Variants in NPAS3 observed in about 807,000 individuals in gnomAD.
The protein encoded by NPAS3 is neuronal PAS domain protein 3, also known as neuronal PAS domain-containing protein 3.
Under a neutral mutation model 73.1 loss-of-function variants are expected in NPAS3, and 14 were observed. The observed-to-expected ratio is 0.19, with a 90% confidence interval of 0.13 to 0.30. NPAS3 has a LOEUF of 0.30. Ranked by LOEUF, NPAS3 falls within the 10% of genes least tolerant of loss-of-function variation. The pLI is 1.00. For synonymous variants in NPAS3, 620 were observed against 541.5 expected (o/e 1.14, Z -2.01); for missense variants, 1,096 against 1,250.0 (o/e 0.88, Z 1.86).
rs59699818 is a variant in NPAS3 at position 33,638,405 on chromosome 14, A to C, written c.559-37806A>C. Among the ~76,000 whole-genome samples the C allele has an allele frequency of 3.2e-3, 480 of 152,354 alleles. 3 individuals are homozygous for C. Among genetic ancestry groups the C allele is most frequent in the African/African-American group, 0.011 (461 of 41,590 alleles). ...GTCAGCAACTAGTGGGTTTGAACCCAGTTCTTCTACTTACTATCTACGTGA... is the reference window on the plus strand; with the variant it reads ...GTCAGCAACTAGTGGGTTTGAACCCCGTTCTTCTACTTACTATCTACGTGA... On this transcript the variant is annotated intron_variant, in intron 5 of 11. Transcript: ENST00000356141.
intron 1 of NPAS3, among the ~76,000 whole-genome samples, chr14:33,007,093 T>C (rs973876008): frequency 4.6e-5 from 7 of 152,230 alleles, no homozygotes; most frequent in African/African-American, 1.4e-4. Flanking sequence ...TATTTGATAA[T>C]AGAGCTTGTC....
At chr14:33,280,416 A>C (rs1345045410) in intron 3 of NPAS3, among the ~76,000 whole-genome samples, 1 of 152,218 alleles carries the variant, frequency 6.6e-6, no homozygotes, top group Non-Finnish European at 1.5e-5. Context: ...CCTAAGATTA[A>C]GAGCCATGCC....
At chr14:33,665,420 T>C (rs1338887999) in intron 5 of NPAS3, among the ~76,000 whole-genome samples, 3 of 152,160 alleles carry the variant, frequency 2.0e-5, no homozygotes, top group Non-Finnish European at 4.4e-5. Context: ...GTTCTGCACA[T>C]GTATCCCAGA....
intron 1 of NPAS3, among the ~76,000 whole-genome samples, chr14:32,959,522 G>T (rs780228267): frequency 6.6e-6 from 1 of 152,122 alleles, no homozygotes; most frequent in Non-Finnish European, 1.5e-5. Context: ...CATATACTTT[G>T]ATTTTATTTT....
intron 2 of NPAS3, among the ~76,000 whole-genome samples, chr14:33,101,991 C>T (rs1014661703): frequency 2.0e-5 from 3 of 152,164 alleles, no homozygotes; most frequent in African/African-American, 7.2e-5. Flanking sequence ...ACTCATGTTG[C>T]ATCAGGCAGT....
chr14:33,309,378 G>A (rs537597158), intron 3 of NPAS3, among the ~76,000 whole-genome samples: 1 of 152,266 alleles, frequency 6.6e-6, no homozygotes, highest in African/African-American at 2.4e-5. Flanking sequence ...TTCAGAGAAA[G>A]TGTACATTTT....
At chr14:33,216,350 T>G (rs2047223452) in intron 3 of NPAS3, among the ~76,000 whole-genome samples, 1 of 152,192 alleles carries the variant, frequency 6.6e-6, no homozygotes, top group Non-Finnish European at 1.5e-5. Context: ...CCTGTACTCT[T>G]GGCTATGATA....
intron 2 of NPAS3, among the ~76,000 whole-genome samples, chr14:33,087,460 G>T (rs1180002512): frequency 6.6e-6 from 1 of 151,814 alleles, no homozygotes; most frequent in East Asian, 1.9e-4. Flanking sequence ...TACCATTAAT[G>T]CTAGAAAGTA....
intron 7 of NPAS3, among the ~76,000 whole-genome samples, chr14:33,767,061 G>A (rs868576693): frequency 1.1e-4 from 16 of 152,304 alleles, no homozygotes; most frequent in African/African-American, 3.1e-4. Flanking sequence ...GTTATGAGCC[G>A]CCTTCTCCAT....
chr14:33,127,642 G>C (rs1191867520), intron 2 of NPAS3, among the ~76,000 whole-genome samples: 1 of 152,104 alleles, frequency 6.6e-6, no homozygotes, highest in Non-Finnish European at 1.5e-5. Flanking sequence ...GTCCTAGAAA[G>C]CTGGCAGGTA....
intron 5 of NPAS3, among the ~76,000 whole-genome samples, chr14:33,632,399 T>C (rs1039687379): frequency 6.6e-6 from 1 of 152,206 alleles, no homozygotes; most frequent in Non-Finnish European, 1.5e-5. Context: ...AAATGTTGAC[T>C]TAAGACATTA....
intron 3 of NPAS3, 32 bp downstream of exon 3, chr14:33,215,458 T>C (rs2047186442): frequency 6.2e-7 from 1 of 1,612,266 alleles, no homozygotes; most frequent in African/African-American, 1.3e-5. Context: ...AGTCTGAATA[T>C]GATGGTCTGT....
chr14:33,557,695 C>CTT (rs2055422727), intron 4 of NPAS3, among the ~76,000 whole-genome samples: 1 of 152,200 alleles, frequency 6.6e-6, no homozygotes, highest in Non-Finnish European at 1.5e-5. Context: ...AACAGCTGGG[C>CTT]GCAGTGGCTC....
intron 4 of NPAS3, among the ~76,000 whole-genome samples, chr14:33,524,167 G>T (rs1408590872): frequency 1.3e-5 from 2 of 152,142 alleles, no homozygotes; most frequent in African/African-American, 4.8e-5. Context: ...CAACACTGCT[G>T]AAAGTACTGC....
intron 3 of NPAS3, among the ~76,000 whole-genome samples, chr14:33,246,839 CAAAAAAAAAAAAAAAAAAA>C (rs571439161): frequency 9.7e-5 from 6 of 61,954 alleles, no homozygotes; most frequent in African/African-American, 4.7e-4. Context: ...ATTAAAAATA[CAAAAAAAAAAAAAAAAAAA>C]AAAAAAAAAG....
intron 3 of NPAS3, among the ~76,000 whole-genome samples, chr14:33,334,518 G>A (rs1909837): frequency 0.21 from 31,519 of 151,960 alleles, 4,046 homozygotes; most frequent in African/African-American, 0.36. Context: ...ACTTAGCGTA[G>A]TGTTGTGGGG....
At chr14:33,332,471 G>A (rs2044029819) in intron 3 of NPAS3, among the ~76,000 whole-genome samples, 1 of 152,152 alleles carries the variant, frequency 6.6e-6, no homozygotes, top group Admixed American at 6.5e-5. Context: ...GGGGAAGAAA[G>A]GCAAATACAT....
chr14:33,748,431 A>G (rs922525214), intron 7 of NPAS3, among the ~76,000 whole-genome samples: 1 of 152,158 alleles, frequency 6.6e-6, no homozygotes. Context: ...CTTGTACCCA[A>G]TTCTAGGGGC....
At chr14:33,328,510 A>G (rs575063748) in intron 3 of NPAS3, among the ~76,000 whole-genome samples, 5 of 109,926 alleles carry the variant, frequency 4.5e-5, no homozygotes, top group African/African-American at 1.4e-4. Flanking sequence ...TCTGTCACCC[A>G]GGCTGGAGTG....
Sources: gnomAD v4.1 joint callset for allele counts (sites outside exome capture counted in the v4.1 genomes callset) on GRCh38, gnomAD v4.1.1 for gene constraint, MANE v1.5 for transcripts, NCBI Gene and HGNC (gene_info 2026-07-23, HGNC 2026-07-21) for gene names.